The following BLTP1 variants were observed in gnomAD, a reference collection of about 807,000 sequenced individuals.
BLTP1 encodes the protein bridge-like lipid transfer protein family member 1.
the BLTP1 span, chr4:122,306,563 T>G: frequency 1.0e-6 from 1 of 984,674 alleles, no homozygotes; most frequent in Non-Finnish European, 1.2e-6. Flanking sequence ...TGATTTGACT[T>G]TGAATTAGGA....
the BLTP1 span, among the ~76,000 whole-genome samples, chr4:122,257,700 T>C: frequency 1.3e-5 from 2 of 152,238 alleles, no homozygotes; most frequent in Non-Finnish European, 2.9e-5. Context: ...TTTTAGATAT[T>C]ACATACTTGT....
At chr4:122,217,958 A>C in the BLTP1 span, among the ~76,000 whole-genome samples, 5 of 152,140 alleles carry the variant, frequency 3.3e-5, no homozygotes, top group African/African-American at 9.7e-5. Flanking sequence ...GCATATTTCC[A>C]GGAATTTATC....
the BLTP1 span, chr4:122,214,262 T>C: frequency 1.4e-5 from 13 of 941,822 alleles, no homozygotes; most frequent in Non-Finnish European, 1.5e-5. Context: ...GACAAGACAC[T>C]CATATACCAA....
At chr4:122,164,500 G>A in the BLTP1 span, 2 of 791,478 alleles carry the variant, frequency 2.5e-6, no homozygotes. Flanking sequence ...TCACAGAAGT[G>A]AGACTGTGTT....
the BLTP1 span, chr4:122,313,943 C>G: frequency 1.8e-6 from 1 of 554,634 alleles, no homozygotes. Context: ...GATATACTTT[C>G]TATCCTTCAT....
At chr4:122,212,346 G>A in the BLTP1 span, among the ~76,000 whole-genome samples, 1 of 152,018 alleles carries the variant, frequency 6.6e-6, no homozygotes, top group South Asian at 2.1e-4. Context: ...TGTGACCATC[G>A]TTTGACCTAA....
chr4:122,153,138 C>A, the BLTP1 span: 1 of 465,598 alleles, frequency 2.1e-6, no homozygotes, highest in Non-Finnish European at 2.8e-6. Flanking sequence ...ATTTTTCTTC[C>A]GGAGAGTATT....
At chr4:122,275,966 C>T in the BLTP1 span, 1 of 1,553,944 alleles carries the variant, frequency 6.4e-7, no homozygotes, top group Non-Finnish European at 8.6e-7. Flanking sequence ...GACTCTTCAT[C>T]TGTAGACTGG....
chr4:122,196,045 C>T, the BLTP1 span, among the ~76,000 whole-genome samples: 1 of 152,224 alleles, frequency 6.6e-6, no homozygotes, highest in South Asian at 2.1e-4. Flanking sequence ...GAGGCAAAAA[C>T]ATTAGTACTT....
chr4:122,171,861 A>G, the BLTP1 span: 1 of 984,266 alleles, frequency 1.0e-6, no homozygotes, highest in Non-Finnish European at 1.2e-6. Flanking sequence ...CTGTTTTACT[A>G]TGAGCATAGG....
chr4:122,340,764 T>C, the BLTP1 span: 3 of 983,868 alleles, frequency 3.0e-6, no homozygotes, highest in Non-Finnish European at 3.6e-6. Flanking sequence ...CAAAATATTG[T>C]AGTGGTAGTG....
chr4:122,250,337 T>G, the BLTP1 span: 2 of 1,569,242 alleles, frequency 1.3e-6, no homozygotes, highest in African/African-American at 2.7e-5. Flanking sequence ...CCATTTATAA[T>G]AAATGCTTTT....
the BLTP1 span, chr4:122,292,273 A>C: frequency 3.4e-6 from 3 of 880,166 alleles, no homozygotes; most frequent in South Asian, 1.6e-4. Context: ...CAGCCCATCA[A>C]ACAGTTTTAT....
chr4:122,262,002 C>T, the BLTP1 span: 2 of 985,270 alleles, frequency 2.0e-6, no homozygotes, highest in Non-Finnish European at 2.4e-6. Context: ...TAGCAAAAAG[C>T]CTCTAGTTTC....
chr4:122,194,614 T>C, the BLTP1 span: 1 of 979,826 alleles, frequency 1.0e-6, no homozygotes, highest in African/African-American at 1.7e-5. Flanking sequence ...AGTTATGTAT[T>C]GTTTGCGAAG....
At chr4:122,263,400 A>T in the BLTP1 span, 5 of 1,504,784 alleles carry the variant, frequency 3.3e-6, no homozygotes, top group African/African-American at 1.4e-5. Flanking sequence ...TTTGCTCCTT[A>T]GTATATAAAT....
the BLTP1 span, among the ~76,000 whole-genome samples, chr4:122,239,094 C>T: frequency 6.6e-6 from 1 of 152,132 alleles, no homozygotes. Flanking sequence ...TAGTAAATGG[C>T]ACTACTACAT....
At chr4:122,300,229 C>T in the BLTP1 span, among the ~76,000 whole-genome samples, 8 of 152,112 alleles carry the variant, frequency 5.3e-5, no homozygotes, top group East Asian at 3.9e-4. Context: ...AGGCTAGTCC[C>T]GAACTCCTGA....
chr4:122,202,618 T>C, the BLTP1 span: 2 of 639,492 alleles, frequency 3.1e-6, no homozygotes, highest in Non-Finnish European at 3.9e-6. Flanking sequence ...AATAGATACC[T>C]ATCATCAAGT....
Sources: allele counts gnomAD v4.1 joint callset (sites outside exome capture counted in the v4.1 genomes callset), GRCh38; gene constraint gnomAD v4.1.1; transcripts MANE v1.5; gene names NCBI Gene and HGNC (gene_info 2026-07-23, HGNC 2026-07-21).